The following CNDP2 variants were observed in gnomAD, a reference collection of about 807,000 sequenced individuals.
CNDP2 encodes cytosolic non-specific dipeptidase.
Under a neutral mutation model 55.0 loss-of-function variants are expected in CNDP2, and 38 were observed. The ratio of observed to expected loss-of-function variants is 0.69; its 90% CI spans 0.53 to 0.90. CNDP2 has a LOEUF of 0.90. CNDP2 is among the 40% of genes least tolerant of loss of function. The probability of loss-of-function intolerance (pLI) is 0.00; values close to 1 mark genes in which losing one functional copy is unlikely to be tolerated. For missense variants in CNDP2, 607 were observed against 621.7 expected (o/e 0.98, Z 0.25); for synonymous variants, 241 against 260.2 (o/e 0.93, Z 0.71).
At chr18:74,501,820 A>T (rs1206160570) in intron 3 of CNDP2, among the ~76,000 whole-genome samples, 6 of 152,188 alleles carry the variant, frequency 3.9e-5, no homozygotes, top group Admixed American at 3.9e-4. Flanking sequence ...AAGTCCATTT[A>T]AAAATTATAA....
At chr18:74,515,102 G>C (rs574861291) in intron 8 of CNDP2, among the ~76,000 whole-genome samples, 1 of 152,344 alleles carries the variant, frequency 6.6e-6, no homozygotes, top group Admixed American at 6.5e-5. Flanking sequence ...GGGCAGCAGG[G>C]TGAGGCCTGG....
chr18:74,512,856 C>T (rs549648320), intron 7 of CNDP2, among the ~76,000 whole-genome samples: 2 of 152,268 alleles, frequency 1.3e-5, no homozygotes, highest in African/African-American at 4.8e-5. Context: ...CTGGTGTGGT[C>T]ATTTTCCATC....
chr18:74,519,174 C>A, intron 11 of CNDP2, 78 bp downstream of exon 11: 1 of 1,494,946 alleles, frequency 6.7e-7, no homozygotes, highest in South Asian at 1.4e-5. Flanking sequence ...CCCCCGTGTG[C>A]AGCTGCCAAG....
In CNDP2 at chr18:74,520,450, T is replaced by C. The variant is rs2144621814; in HGVS notation, c.*382T>C. On this transcript the variant is annotated 3_prime_UTR_variant, in exon 12 of 12. Coordinates refer to ENST00000324262, the MANE Select transcript of CNDP2 (RefSeq NM_018235.3). ...CAGGAGGATCACTTGAGGCCAGGAG[T>C]CTGAGACAAGCCTAGGCAACAAAAC... is the stretch of plus-strand genomic sequence containing the variant. 1 of 207,812 alleles carries C rather than the reference T, an allele frequency of 4.8e-6. No homozygotes were observed. Among genetic ancestry groups the C allele is most frequent in the Middle Eastern group, 1.9e-3 (1 of 526 alleles). 12.9% of individuals were successfully genotyped at this position (207,812 alleles called of 1,614,324 possible). A position where few individuals can be genotyped will look rare whatever the true frequency, so the allele number is the denominator to read the frequency against.
intron 4 of CNDP2, among the ~76,000 whole-genome samples, 193 bp downstream of exon 4, chr18:74,506,204 A>C (rs937775599): frequency 6.6e-6 from 1 of 152,120 alleles, no homozygotes; most frequent in African/African-American, 2.4e-5. Flanking sequence ...CAAGATCTCA[A>C]TTCACTGCAA....
At position 74,501,125 on chromosome 18, in the gene CNDP2, G is replaced by A. The variant is rs1056480659; in HGVS notation, c.61-204G>A. ...AGGTACTGAGTGTAAAACAATATGA[G>A]AGGGTCTCTCTCTTCCCTCAGTACA... is the stretch of plus-strand genomic sequence containing the variant. On this transcript the variant is annotated intron_variant, in intron 2 of 11. Transcript: ENST00000324262. The A allele has an allele frequency of 3.5e-6, 4 of 1,128,076 alleles. No homozygotes were observed. The African/African-American group carries it at 4.8e-5, about 13-fold the overall frequency. The allele number at this position is 1,128,076 out of a possible 1,614,324, so 69.9% of individuals were successfully genotyped here. A position where few individuals can be genotyped will look rare whatever the true frequency, so the allele number is the denominator to read the frequency against.
At chr18:74,508,541 T>G (rs1979159560) in intron 4 of CNDP2, 2 of 317,434 alleles carry the variant, frequency 6.3e-6, no homozygotes, top group East Asian at 5.5e-5. Context: ...CTCCCTGGAG[T>G]TAGACTGGAG....
chr18:74,501,354 A>G lies in CNDP2; in HGVS notation c.86A>G (p.Gln29Arg), dbSNP rs1306233359. The change falls in exon 3 of 12, where the codon CAG becomes CGG. Residue 29 changes from glutamine to arginine, a missense_variant. By Grantham distance (43) the Gln-to-Arg change is conservative. Coordinates refer to ENST00000324262, the MANE Select transcript of CNDP2 (RefSeq NM_018235.3). ...IKKLAKWVAI[Q>R]SVSAWPEKRG... ...AAACTCGCAAAATGGGTGGCTATCCAGAGTGTGTCTGCGTGGCCGGAGAAG... is the reference window on the plus strand; with the variant it reads ...AAACTCGCAAAATGGGTGGCTATCCGGAGTGTGTCTGCGTGGCCGGAGAAG... The G allele has an allele frequency of 1.2e-6, 2 of 1,613,614 alleles. No individual in the cohort carries two copies. The highest frequency in any genetic ancestry group is 8.5e-7 in the Non-Finnish European group (1 of 1,179,854).
At chr18:74,512,344 G>A (rs734559) in intron 6 of CNDP2, 104 bp from the exon 7 acceptor site, 238,043 of 1,062,356 alleles carry the variant, frequency 0.22, 28,406 homozygotes, top group Admixed American at 0.31. Context: ...TTTGATTTGG[G>A]AAATTGTCAG....
rs1416591976 is a variant in CNDP2, at chr18:74,516,434, G to T, written c.1068+42G>T. The T allele has an allele frequency of 3.2e-6, 5 of 1,558,580 alleles. No homozygotes were observed. In the Admixed American group the frequency reaches 9.4e-5, roughly 29 times the overall value. ...CACGGGGTGGGGGCCAAGAGCTACT[G>T]TGTCCGGGCAGAGACTTGGGTAATA... is the stretch of plus-strand genomic sequence containing the variant. On this transcript the variant is annotated intron_variant, in intron 9 of 11. Coordinates refer to ENST00000324262, the MANE Select transcript of CNDP2 (RefSeq NM_018235.3).
In CNDP2 at chr18:74,501,246, T is replaced by G. The variant is rs771933141; in HGVS notation, c.61-83T>G. ...CTGCAGCAGCCACAGAGGGTGAGCCTGGAATGTGGCAACGTTACGGGAGCC... is the reference window on the plus strand; with the variant it reads ...CTGCAGCAGCCACAGAGGGTGAGCCGGGAATGTGGCAACGTTACGGGAGCC... On this transcript the variant is annotated intron_variant, in intron 2 of 11. Coordinates refer to ENST00000324262, the MANE Select transcript of CNDP2 (RefSeq NM_018235.3). The G allele has an allele frequency of 2.6e-6, 4 of 1,531,942 alleles. No homozygotes were observed. In the South Asian group the frequency reaches 3.9e-5, roughly 15 times the overall value. 94.9% of individuals were successfully genotyped at this position (1,531,942 alleles called of 1,614,324 possible).
intron 6 of CNDP2, among the ~76,000 whole-genome samples, chr18:74,511,838 G>A (rs1308154988): frequency 6.6e-6 from 1 of 152,182 alleles, no homozygotes. Context: ...ATTAAATTAG[G>A]TCCTGTCTGC....
chr18:74,505,717 T>C (rs1320532456), intron 3 of CNDP2, 132 bp from the exon 4 acceptor site: 12 of 920,650 alleles, frequency 1.3e-5, no homozygotes, highest in Non-Finnish European at 1.8e-5. Flanking sequence ...AACAGTGTGC[T>C]CTTAAACTCT....
At chr18:74,517,395 G>A (rs1400776626) in intron 9 of CNDP2, 1 of 152,170 alleles carries the variant, frequency 6.6e-6, no homozygotes, top group East Asian at 1.9e-4. Flanking sequence ...TGCAGGTGGA[G>A]GAGCTTCGGT....
intron 8 of CNDP2, among the ~76,000 whole-genome samples, chr18:74,515,853 C>G (rs1186647707): frequency 6.6e-6 from 1 of 152,242 alleles, no homozygotes; most frequent in African/African-American, 2.4e-5. Context: ...GCTGCATCCC[C>G]TCTTACTCCT....
In CNDP2 at chr18:74,516,397, G is replaced by C; in HGVS notation, c.1068+5G>C. Reference sequence around the variant, plus strand: ...CCTGAAGTCGTCGGCGAGCAGGCATGTGGGGCTGGGACACGGGGTGGGGGC... The same window carrying C: ...CCTGAAGTCGTCGGCGAGCAGGCATCTGGGGCTGGGACACGGGGTGGGGGC... On this transcript the variant is annotated splice_donor_5th_base_variant and intron_variant, in intron 9 of 11. Coordinates refer to ENST00000324262, the MANE Select transcript of CNDP2 (RefSeq NM_018235.3). The C allele has an allele frequency of 1.2e-6, 2 of 1,605,090 alleles. No individual in the cohort carries two copies. The highest frequency in any genetic ancestry group is 4.5e-5 in the East Asian group (2 of 44,740).
Position 74,508,844 on chromosome 18 carries a change from G to T in CNDP2, c.372G>T (p.Lys124Asn). 3 of 1,613,946 alleles carry T rather than the reference G, an allele frequency of 1.9e-6. No individual in the cohort carries two copies. The highest frequency in any genetic ancestry group is 2.5e-6 in the Non-Finnish European group (3 of 1,179,814). The stretch of plus-strand genomic sequence containing the variant: ...ATTTGTGGATTGCTGTTCTAGGCAA[G>T]CTGTATGGGAGAGGTTCGACTGATG... ...EPFTLVERDG[K>N]LYGRGSTDDK... The change falls in exon 5 of 12, where the codon AAG (lysine) becomes AAT (asparagine). Residue 124 changes from lysine to asparagine, a missense_variant. By Grantham distance (94) the Lys-to-Asn change is moderately conservative. Coordinates refer to ENST00000324262, the MANE Select transcript of CNDP2 (RefSeq NM_018235.3).
At chr18:74,502,005 T>C (rs1251871221) in intron 3 of CNDP2, among the ~76,000 whole-genome samples, 2 of 152,188 alleles carry the variant, frequency 1.3e-5, no homozygotes, top group African/African-American at 4.8e-5. Context: ...GCGATTCTCC[T>C]GCTTCAGCCT....
rs1979897523 is a variant in CNDP2, at chr18:74,519,050, G to A, written c.1312G>A (p.Gly438Arg). 1.2e-6 allele frequency: 2 copies of A among 1,613,714 alleles called. No homozygotes were observed. The highest frequency in any genetic ancestry group is 1.7e-5 in the Admixed American group (1 of 59,990). The change falls in exon 11 of 12, where the codon GGG becomes AGG. Residue 438 changes from glycine to arginine, a missense_variant. Physicochemically the swap from Gly to Arg is moderately radical, Grantham distance 125. Coordinates refer to ENST00000324262, the MANE Select transcript of CNDP2 (RefSeq NM_018235.3). ...TGKNVMLLPV[G>R]SADDGAHSQN... ...CAAGAACGTCATGCTGCTGCCTGTGGGGTCAGCGGATGACGGAGCCCACTC... is the reference window on the plus strand; with the variant it reads ...CAAGAACGTCATGCTGCTGCCTGTGAGGTCAGCGGATGACGGAGCCCACTC...
Sources: gnomAD v4.1 joint callset for allele counts (sites outside exome capture counted in the v4.1 genomes callset) on GRCh38, gnomAD v4.1.1 for gene constraint, MANE v1.5 for transcripts, NCBI Gene and HGNC (gene_info 2026-07-23, HGNC 2026-07-21) for gene names.